SPAG16: variants seen among roughly 807,000 people sequenced by gnomAD.
SPAG16 encodes the protein sperm-associated antigen 16 protein.
SPAG16 carries 86 observed loss-of-function variants against 80.4 expected under a neutral mutation model. The ratio of observed to expected loss-of-function variants is 1.07; its 90% CI spans 0.90 to 1.28. The LOEUF is 1.28. SPAG16 is among the 50% of genes most tolerant of loss of function. The pLI, the probability that SPAG16 is intolerant of heterozygous loss-of-function variation, is 0.00. For synonymous variants in SPAG16, 294 were observed against 265.9 expected (o/e 1.11, Z -1.03); for missense variants, 870 against 765.3 (o/e 1.14, Z -1.61).
intron 13 of SPAG16, among the ~76,000 whole-genome samples, chr2:214,098,215 G>T (rs2125351766): frequency 6.6e-6 from 1 of 152,092 alleles, no homozygotes; most frequent in East Asian, 1.9e-4. Flanking sequence ...TTTACCTTTT[G>T]CAACCAGTTA....
Position 214,404,306 on chromosome 2 carries a change from C to T in SPAG16, c.1721-5834C>T, listed in dbSNP as rs550640064. Among the ~76,000 whole-genome samples the T allele has an allele frequency of 6.6e-5, 10 of 152,288 alleles. 1 individual carries two copies. Among genetic ancestry groups the T allele is most frequent in the African/African-American group, 2.2e-4 (9 of 41,558 alleles). On this transcript the variant is annotated intron_variant, in intron 15 of 15. Transcript: ENST00000331683. ...TCAGCCATATTCTGCAACTGCCACACGTGCATTTTCCTACCTTGGCCAAGT... is the reference window on the plus strand; with the variant it reads ...TCAGCCATATTCTGCAACTGCCACATGTGCATTTTCCTACCTTGGCCAAGT...
At chr2:213,582,898 C>T (rs2060343341) in intron 10 of SPAG16, among the ~76,000 whole-genome samples, 1 of 152,126 alleles carries the variant, frequency 6.6e-6, no homozygotes, top group Non-Finnish European at 1.5e-5. Flanking sequence ...TGAAGCAGTA[C>T]TGTGCATGTT....
intron 10 of SPAG16, among the ~76,000 whole-genome samples, chr2:213,858,805 T>G (rs920820905): frequency 6.6e-6 from 1 of 152,156 alleles, no homozygotes; most frequent in African/African-American, 2.4e-5. Flanking sequence ...TGGGTAAATT[T>G]TTAATGAATG....
At chr2:214,249,244 T>TAAAC (rs1053556940) in intron 15 of SPAG16, among the ~76,000 whole-genome samples, 1 of 152,174 alleles carries the variant, frequency 6.6e-6, no homozygotes, top group Non-Finnish European at 1.5e-5. Context: ...TAAAGGCCAG[T>TAAAC]AAACAAAGTA....
intron 12 of SPAG16, among the ~76,000 whole-genome samples, chr2:213,968,867 A>T (rs570399363): frequency 6.6e-6 from 1 of 152,220 alleles, no homozygotes; most frequent in Admixed American, 6.5e-5. Flanking sequence ...TGTACATAGC[A>T]CATATATATT....
At chr2:214,052,797 C>CA (rs896084171) in intron 13 of SPAG16, among the ~76,000 whole-genome samples, 6 of 151,832 alleles carry the variant, frequency 4.0e-5, no homozygotes, top group African/African-American at 1.2e-4. Flanking sequence ...AAAGTTCCAT[C>CA]AAAAAAATGA....
intron 15 of SPAG16, among the ~76,000 whole-genome samples, chr2:214,180,028 T>C (rs564449804): frequency 6.6e-6 from 1 of 151,696 alleles, no homozygotes; most frequent in South Asian, 2.1e-4. Context: ...TATGGGTATA[T>C]GCGAAATTAC....
In SPAG16 at chr2:213,625,497, A is replaced by C. The variant is rs116368503; in HGVS notation, c.1070+135407A>C. ...AATGACTTCTCCCCATCTGTAGATT[A>C]TCTTTAATTTCTTTAAGGTTTATTT... is the stretch of plus-strand genomic sequence containing the variant. On this transcript the variant is annotated intron_variant, in intron 10 of 15. Coordinates refer to ENST00000331683, the MANE Select transcript of SPAG16 (RefSeq NM_024532.5). Among the ~76,000 whole-genome samples the C allele has an allele frequency of 8.4e-3, 1,274 of 152,290 alleles. 24 individuals are homozygous for C. Among genetic ancestry groups the C allele is most frequent in the African/African-American group, 0.03 (1,227 of 41,544 alleles).
intron 6 of SPAG16, among the ~76,000 whole-genome samples, chr2:213,350,267 T>TCGGA (rs1222460572): frequency 2.0e-5 from 3 of 152,260 alleles, no homozygotes; most frequent in Admixed American, 6.5e-5. Context: ...GAGTACATAC[T>TCGGA]TGGACACAGC....
At chr2:214,056,043 C>T (rs955728881) in intron 13 of SPAG16, among the ~76,000 whole-genome samples, 9 of 152,052 alleles carry the variant, frequency 5.9e-5, no homozygotes, top group African/African-American at 2.2e-4. Flanking sequence ...CAGATAATTA[C>T]TATACTTATG....
chr2:214,228,281 G>A (rs1200488527), intron 15 of SPAG16, among the ~76,000 whole-genome samples: 1 of 151,672 alleles, frequency 6.6e-6, no homozygotes, highest in Non-Finnish European at 1.5e-5. Context: ...AATTCAATAT[G>A]CATATAATTG....
intron 9 of SPAG16, among the ~76,000 whole-genome samples, chr2:213,382,531 T>G (rs184676675): frequency 8.1e-4 from 124 of 152,354 alleles, no homozygotes; most frequent in African/African-American, 2.8e-3. Context: ...TTGGGTCTGC[T>G]GGGCCATAAG....
chr2:213,982,046 T>A (rs2045774820), intron 12 of SPAG16, among the ~76,000 whole-genome samples: 1 of 151,832 alleles, frequency 6.6e-6, no homozygotes. Flanking sequence ...TAGCAACTGA[T>A]ATATGTTATA....
In SPAG16 at chr2:213,929,972, G is replaced by T. The variant is rs769234021; in HGVS notation, c.1227G>T (p.Leu409Phe). 6.2e-7 allele frequency: 1 copy of T among 1,601,578 alleles called. No individual in the cohort carries two copies. The highest frequency in any genetic ancestry group is 1.8e-5 in the Admixed American group (1 of 56,694). Reference protein sequence around the residue: ...DCCFHPSGDKLATSSGDTTVK... With the variant: ...DCCFHPSGDKFATSSGDTTVK... ...TTTTTGCAAATAGTGGCGACAAATT[G>T]GCTACTTCAAGTGGTGACACTACAG... The change falls in exon 12 of 16, where the codon TTG becomes TTT. Residue 409 changes from leucine to phenylalanine, a missense_variant. Physicochemically the swap from Leu to Phe is conservative, Grantham distance 22. Coordinates refer to ENST00000331683, the MANE Select transcript of SPAG16 (RefSeq NM_024532.5).
At chr2:214,147,225 G>T (rs2055690620) in intron 14 of SPAG16, among the ~76,000 whole-genome samples, 1 of 151,974 alleles carries the variant, frequency 6.6e-6, no homozygotes, top group Non-Finnish European at 1.5e-5. Context: ...TCAAACTATT[G>T]CACTTGATCA....
At chr2:213,420,481 G>A (rs2069517789) in intron 9 of SPAG16, among the ~76,000 whole-genome samples, 1 of 152,178 alleles carries the variant, frequency 6.6e-6, no homozygotes, top group Non-Finnish European at 1.5e-5. Flanking sequence ...TTGTAAACTG[G>A]AAGGCACATA....
chr2:213,392,541 C>T (rs1481162171), intron 9 of SPAG16, among the ~76,000 whole-genome samples: 1 of 151,830 alleles, frequency 6.6e-6, no homozygotes, highest in Admixed American at 6.6e-5. Flanking sequence ...AATTTTAATA[C>T]TAATAATATG....
intron 12 of SPAG16, among the ~76,000 whole-genome samples, chr2:213,973,095 C>T (rs182492093): frequency 4.6e-5 from 7 of 152,296 alleles, no homozygotes; most frequent in African/African-American, 1.7e-4. Flanking sequence ...CCTTTACTTC[C>T]TACTTGTGCT....
intron 11 of SPAG16, among the ~76,000 whole-genome samples, chr2:213,905,282 C>T (rs1300108104): frequency 6.6e-6 from 1 of 152,132 alleles, no homozygotes; most frequent in African/African-American, 2.4e-5. Context: ...TGCTATTTCT[C>T]AAGGTTATGT....
Sources: gnomAD v4.1 joint callset for allele counts (sites outside exome capture counted in the v4.1 genomes callset) on GRCh38, gnomAD v4.1.1 for gene constraint, MANE v1.5 for transcripts, NCBI Gene and HGNC (gene_info 2026-07-23, HGNC 2026-07-21) for gene names.